Variants in INTS3 observed in about 807,000 individuals in gnomAD.
The protein encoded by INTS3 is SOSS complex subunit A.
INTS3 carries 34 observed loss-of-function variants against 146.3 expected under a neutral mutation model. That is an observed-to-expected ratio of 0.23 (90% CI 0.18 to 0.31). INTS3 has a LOEUF of 0.31. Among genes scored for constraint, INTS3 ranks in the 10% least tolerant of loss-of-function variants. INTS3 has a pLI of 1.00. For synonymous variants in INTS3, 475 were observed against 494.9 expected, an observed-to-expected ratio of 0.96 and a Z score of 0.53; for missense variants, 757 against 1,304.2, an observed-to-expected ratio of 0.58 and a Z score of 6.46.
At chr1:153,773,149 T>G in intron 29 of INTS3, 44 bp from the exon 30 acceptor site, 2 of 1,613,506 alleles carry the variant, frequency 1.2e-6, no homozygotes, top group Non-Finnish European at 1.7e-6. Flanking sequence ...CGCCAGCAGC[T>G]GCCCAGGCTG....
intron 9 of INTS3, among the ~76,000 whole-genome samples, chr1:153,755,720 A>G (rs1461133869): frequency 6.6e-6 from 1 of 152,156 alleles, no homozygotes; most frequent in Non-Finnish European, 1.5e-5. Context: ...ATTTAAATGT[A>G]AGTTAGTCTG....
At position 153,740,881 on chromosome 1, in the gene INTS3, T is replaced by C. The variant is rs560227027; in HGVS notation, c.234+147T>C. Reference sequence around the variant, plus strand: ...CCTGAATCAAATTTCTCAATTCTTCTCTTTTACTGTGGGAGCCTATCTCTT... The same window carrying C: ...CCTGAATCAAATTTCTCAATTCTTCCCTTTTACTGTGGGAGCCTATCTCTT... On this transcript the variant is annotated intron_variant, in intron 2 of 29. Coordinates refer to ENST00000318967, the MANE Select transcript of INTS3 (RefSeq NM_023015.5). 3 of 693,824 alleles carry C rather than the reference T, an allele frequency of 4.3e-6. No homozygotes were observed. In the South Asian group the frequency reaches 4.7e-5, roughly 11 times the overall value. 43.0% of individuals were successfully genotyped at this position (693,824 alleles called of 1,614,324 possible).
chr1:153,741,721 G>T (rs1671541032), intron 3 of INTS3, among the ~76,000 whole-genome samples: 1 of 152,256 alleles, frequency 6.6e-6, no homozygotes, highest in Non-Finnish European at 1.5e-5. Context: ...AGCATGGCCT[G>T]TAGTTTGCAG....
At chr1:153,748,945 G>C (rs548291784) in intron 6 of INTS3, among the ~76,000 whole-genome samples, 190 bp downstream of exon 6, 2 of 152,190 alleles carry the variant, frequency 1.3e-5, no homozygotes, top group Non-Finnish European at 2.9e-5. Context: ...TGAAGGAATG[G>C]GAAAGAGGTC....
chr1:153,745,262 T>C (rs981964790), intron 3 of INTS3, among the ~76,000 whole-genome samples: 1 of 151,470 alleles, frequency 6.6e-6, no homozygotes, highest in African/African-American at 2.4e-5. Flanking sequence ...GTTCAAGTGA[T>C]CCTCCCGCCT....
intron 1 of INTS3, among the ~76,000 whole-genome samples, chr1:153,736,225 C>T (rs1186802747): frequency 1.3e-5 from 2 of 152,148 alleles, no homozygotes; most frequent in African/African-American, 4.8e-5. Flanking sequence ...TTTATTCAGG[C>T]TGAGCTGCCA....
At chr1:153,746,549 C>T (rs542873858) in intron 3 of INTS3, among the ~76,000 whole-genome samples, 47 of 152,304 alleles carry the variant, frequency 3.1e-4, no homozygotes, top group Admixed American at 1.7e-3. Context: ...TACAGGTGCC[C>T]GCCACCGTGC....
chr1:153,764,545 T>G (rs1672503096), intron 18 of INTS3, 145 bp from the exon 19 acceptor site: 1 of 759,270 alleles, frequency 1.3e-6, no homozygotes, highest in African/African-American at 1.7e-5. Context: ...GAACCTGTTT[T>G]CTCTGTTACC....
intron 6 of INTS3, chr1:153,750,752 G>T (rs139758937): frequency 1.1e-5 from 3 of 279,208 alleles, no homozygotes; most frequent in African/African-American, 6.6e-5. Context: ...CATGTTGCTT[G>T]GCACATGATA....
chr1:153,741,672 A>T (rs764268014), intron 3 of INTS3, among the ~76,000 whole-genome samples: 20 of 152,250 alleles, frequency 1.3e-4, no homozygotes, highest in Non-Finnish European at 2.8e-4. Flanking sequence ...ATAGAAGAGA[A>T]CAATTGTAAC....
chr1:153,743,903 T>C (rs1050886950), intron 3 of INTS3, among the ~76,000 whole-genome samples: 3 of 151,886 alleles, frequency 2.0e-5, no homozygotes, highest in East Asian at 3.9e-4. Context: ...AGAAAGAAGC[T>C]TGGGGGCTCT....
At chr1:153,760,287 G>A (rs764153523) in intron 11 of INTS3, 24 bp from the exon 12 acceptor site, 2 of 1,461,312 alleles carry the variant, frequency 1.4e-6, no homozygotes, top group East Asian at 4.5e-5. Flanking sequence ...GATGTGAGGG[G>A]CTCTTTAATT....
In INTS3 at chr1:153,769,818, G is replaced by T; in HGVS notation, c.2363G>T (p.Arg788Leu). The T allele has an allele frequency of 6.2e-7, 1 of 1,613,168 alleles. No individual in the cohort carries two copies. Among genetic ancestry groups the T allele is most frequent in the Non-Finnish European group, 8.5e-7 (1 of 1,179,284 alleles). ...HVMMGNLVMF[R>L]KDSVLNILIQ... ...ATGATGGGTAACCTGGTTATGTTTC[G>T]AAAAGACTCAGTTCTCAACATACTC... Residue 788 changes from arginine (R) to leucine (L), a missense_variant, in exon 23 of 30, where the codon CGA (arginine) becomes CTA (leucine). Physicochemically the swap from Arg to Leu is moderately radical, Grantham distance 102 (BLOSUM62 -2). This residue lies in a region of INTS3 where 116 missense variants were observed against 226.5 expected (regional missense o/e 0.51). Transcript: ENST00000318967.
At chr1:153,730,229 G>A (rs1671012679) in intron 1 of INTS3, among the ~76,000 whole-genome samples, 1 of 152,152 alleles carries the variant, frequency 6.6e-6, no homozygotes, top group South Asian at 2.1e-4. Flanking sequence ...ATAATTCTGT[G>A]GGCATTCAGG....
chr1:153,759,970 G>A, intron 11 of INTS3: 1 of 489,376 alleles, frequency 2.0e-6, no homozygotes, highest in Non-Finnish European at 3.6e-6. Flanking sequence ...CTGTTTCGGG[G>A]CCTGTCTGCT....
chr1:153,769,571 C>T (rs2101829054), intron 22 of INTS3, among the ~76,000 whole-genome samples, 198 bp from the exon 23 acceptor site: 1 of 152,266 alleles, frequency 6.6e-6, no homozygotes, highest in South Asian at 2.1e-4. Context: ...CCACTCAGGC[C>T]TTACTTTATC....
intron 23 of INTS3, 59 bp downstream of exon 23, chr1:153,769,903 G>A: frequency 8.1e-7 from 1 of 1,234,176 alleles, no homozygotes; most frequent in Non-Finnish European, 1.2e-6. Context: ...TGTCAGTCCT[G>A]TGTATTTTAC....
At chr1:153,759,811 T>TC in intron 11 of INTS3, 198 bp downstream of exon 11, 1 of 584,260 alleles carries the variant, frequency 1.7e-6, no homozygotes, top group Non-Finnish European at 3.0e-6. Context: ...TCACTGTACC[T>TC]CCTCCCCACA....
intron 12 of INTS3, 129 bp downstream of exon 12, chr1:153,760,519 T>A: frequency 1.4e-6 from 1 of 724,268 alleles, no homozygotes; most frequent in Non-Finnish European, 2.3e-6. Flanking sequence ...ATGGGTCCTA[T>A]CCCCCAAGTT....
Sources: allele counts gnomAD v4.1 joint callset (sites outside exome capture counted in the v4.1 genomes callset), GRCh38; gene constraint gnomAD v4.1.1; regional missense constraint gnomAD v4.1.1; transcripts MANE v1.5; gene names NCBI Gene and HGNC (gene_info 2026-07-23, HGNC 2026-07-21).